Variants in RSU1 observed in about 807,000 individuals in gnomAD.
The protein encoded by RSU1 is rsu-1.
Under a neutral mutation model 31.1 loss-of-function variants are expected in RSU1, and 26 were observed. The ratio of observed to expected loss-of-function variants is 0.84; its 90% CI spans 0.61 to 1.16. The LOEUF (loss-of-function observed/expected upper bound fraction) is 1.16. RSU1 is among the 50% of genes most tolerant of loss of function. The probability of loss-of-function intolerance (pLI) is 0.00; values close to 1 mark genes in which losing one functional copy is unlikely to be tolerated. For synonymous variants in RSU1, 164 were observed against 136.3 expected (o/e 1.20, Z -1.41); for missense variants, 320 against 339.1 (o/e 0.94, Z 0.44).
intron 8 of RSU1, among the ~76,000 whole-genome samples, chr10:16,647,826 T>C (rs878959759): frequency 6.6e-6 from 1 of 152,174 alleles, no homozygotes; most frequent in Admixed American, 6.6e-5. Flanking sequence ...GGGATGTGAA[T>C]TTTATCTCAA....
intron 8 of RSU1, among the ~76,000 whole-genome samples, chr10:16,685,039 C>T (rs190135694): frequency 2.0e-5 from 3 of 152,140 alleles, no homozygotes; most frequent in South Asian, 2.1e-4. Context: ...CCTGAGGTCA[C>T]GGGTTTGGGA....
At chr10:16,755,210 C>T (rs1195347538) in intron 4 of RSU1, among the ~76,000 whole-genome samples, 1 of 152,080 alleles carries the variant, frequency 6.6e-6, no homozygotes, top group Non-Finnish European at 1.5e-5. Context: ...CAGCCTCAAC[C>T]TCCCCAGGCT....
At chr10:16,627,608 C>G (rs953607259) in intron 8 of RSU1, among the ~76,000 whole-genome samples, 3 of 151,822 alleles carry the variant, frequency 2.0e-5, no homozygotes, top group Non-Finnish European at 4.4e-5. Context: ...AAAAAATCAG[C>G]CAGGCATGGA....
intron 8 of RSU1, among the ~76,000 whole-genome samples, chr10:16,661,172 T>C (rs941835276): frequency 7.9e-5 from 12 of 152,264 alleles, no homozygotes; most frequent in African/African-American, 2.2e-4. Context: ...GCATGGGGGA[T>C]GTAGATCTGT....
At chr10:16,695,194 C>T in intron 7 of RSU1, 39 bp from the exon 8 acceptor site, 1 of 1,579,692 alleles carries the variant, frequency 6.3e-7, no homozygotes, top group East Asian at 2.3e-5. Context: ...TCACTTCATC[C>T]AATACAGATC....
rs115671084 is a variant in RSU1, at chr10:16,790,538, C to T, written c.110-8454G>A. On this transcript the variant is annotated intron_variant, in intron 2 of 8. Transcript: ENST00000345264. ...GCTTTAGGGTAGAGAGTACACCATG[C>T]ACCCAGGGGACCTACACAACTCACG... Among the ~76,000 whole-genome samples, 1,494 of 152,098 alleles carry T rather than the reference C, an allele frequency of 9.8e-3. 36 individuals carry two copies. Among genetic ancestry groups the T allele is most frequent in the African/African-American group, 0.035 (1,434 of 41,460 alleles).
Position 16,689,818 on chromosome 10 carries a change from G to T in RSU1, c.731+5205C>A, listed in dbSNP as rs1365731493. 6.6e-5 allele frequency among the ~76,000 whole-genome samples: 10 copies of T among 152,330 alleles called. 1 individual carries two copies. In the East Asian group the frequency reaches 1.2e-3, roughly 18 times the overall value. On this transcript the variant is annotated intron_variant, in intron 8 of 8. Transcript: ENST00000345264. ...ACTTTTCCGGAGAGAGAAAAGAAAG[G>T]TGAAAAAGACAGGCAGAATGACGAG...
At chr10:16,593,714 C>T (rs1439282860) in intron 8 of RSU1, among the ~76,000 whole-genome samples, 1 of 152,220 alleles carries the variant, frequency 6.6e-6, no homozygotes, top group South Asian at 2.1e-4. Context: ...ACGGACCAGT[C>T]TCTTGGGATT....
intron 7 of RSU1, among the ~76,000 whole-genome samples, chr10:16,742,576 T>G (rs1395102249): frequency 6.6e-6 from 1 of 151,040 alleles, no homozygotes; most frequent in Non-Finnish European, 1.5e-5. Flanking sequence ...ATTGAGGTGA[T>G]AACAACTGTA....
At chr10:16,604,894 G>A (rs751809136) in intron 8 of RSU1, among the ~76,000 whole-genome samples, 8 of 152,134 alleles carry the variant, frequency 5.3e-5, no homozygotes, top group Non-Finnish European at 1.2e-4. Flanking sequence ...AACCGCGTGG[G>A]AAGAAAAGTC....
chr10:16,706,129 A>G (rs7092024), intron 7 of RSU1, among the ~76,000 whole-genome samples: 93,648 of 152,034 alleles, frequency 0.62, 30,696 homozygotes, highest in African/African-American at 0.85. Context: ...TTTTGAGACC[A>G]TTTTCAATTA....
chr10:16,666,376 C>A (rs1474751561), intron 8 of RSU1, among the ~76,000 whole-genome samples: 4 of 152,158 alleles, frequency 2.6e-5, no homozygotes, highest in Non-Finnish European at 4.4e-5. Flanking sequence ...TACCCTTCTC[C>A]TGCAGTAACT....
chr10:16,747,696 C>G (rs1836883691), intron 7 of RSU1, among the ~76,000 whole-genome samples: 1 of 152,200 alleles, frequency 6.6e-6, no homozygotes, highest in Non-Finnish European at 1.5e-5. Context: ...TGCCCTCTGC[C>G]CTCCAGCCTA....
intron 8 of RSU1, among the ~76,000 whole-genome samples, chr10:16,684,073 A>G (rs1164236563): frequency 6.6e-6 from 1 of 152,194 alleles, no homozygotes; most frequent in Non-Finnish European, 1.5e-5. Context: ...AGACCTATAC[A>G]AGGTGCTAGA....
At chr10:16,734,102 T>C (rs539695625) in intron 7 of RSU1, among the ~76,000 whole-genome samples, 12 of 152,352 alleles carry the variant, frequency 7.9e-5, no homozygotes, top group East Asian at 5.8e-4. Flanking sequence ...TAGTGTTTCA[T>C]TGGCAATTTA....
chr10:16,635,433 A>G (rs1479958270), intron 8 of RSU1, among the ~76,000 whole-genome samples: 1 of 152,188 alleles, frequency 6.6e-6, no homozygotes, highest in Admixed American at 6.5e-5. Flanking sequence ...TCACTGAGAA[A>G]ACCGAAACAC....
chr10:16,804,086 G>C (rs1170737260), intron 2 of RSU1, among the ~76,000 whole-genome samples: 1 of 151,930 alleles, frequency 6.6e-6, no homozygotes, highest in East Asian at 1.9e-4. Flanking sequence ...ATCTGATAAA[G>C]AACTAGTATC....
chr10:16,722,718 A>G (rs564810355), intron 7 of RSU1, among the ~76,000 whole-genome samples: 2 of 152,190 alleles, frequency 1.3e-5, no homozygotes, highest in South Asian at 2.1e-4. Flanking sequence ...AAAGCAAGCT[A>G]TCTGTCTTAA....
At chr10:16,680,862 G>A (rs890870257) in intron 8 of RSU1, among the ~76,000 whole-genome samples, 34 of 152,150 alleles carry the variant, frequency 2.2e-4, no homozygotes. Context: ...AAAACAAAGA[G>A]CTCAAGTTTA....
Sources: allele counts gnomAD v4.1 joint callset (sites outside exome capture counted in the v4.1 genomes callset), GRCh38; gene constraint gnomAD v4.1.1; transcripts MANE v1.5; gene names NCBI Gene and HGNC (gene_info 2026-07-23, HGNC 2026-07-21).